Variants in TOX3 observed in about 807,000 individuals in gnomAD.
TOX3 encodes CAG trinucleotide repeat-containing gene F9 protein.
Under a neutral mutation model 64.3 loss-of-function variants are expected in TOX3, and 22 were observed. The ratio of observed to expected loss-of-function variants is 0.34; its 90% CI spans 0.24 to 0.49. The LOEUF is 0.49. Ranked by LOEUF, TOX3 falls within the 20% of genes least tolerant of loss-of-function variation. The probability of loss-of-function intolerance (pLI) is 0.99; values close to 1 mark genes in which losing one functional copy is unlikely to be tolerated. For missense variants in TOX3, 661 were observed against 714.4 expected, an observed-to-expected ratio of 0.93 and a Z score of 0.85; for synonymous variants, 291 against 273.6, an observed-to-expected ratio of 1.06 and a Z score of -0.63.
At chr16:52,504,325 G>A (rs1170124442) in intron 1 of TOX3, among the ~76,000 whole-genome samples, 2 of 152,218 alleles carry the variant, frequency 1.3e-5, no homozygotes, top group South Asian at 2.1e-4. Flanking sequence ...AAATTAGCCA[G>A]GCGTGGTGGT....
chr16:52,511,848 T>A (rs539428054), intron 1 of TOX3, among the ~76,000 whole-genome samples: 1 of 152,116 alleles, frequency 6.6e-6, no homozygotes, highest in East Asian at 1.9e-4. Flanking sequence ...AGAAAAAATA[T>A]TTAATGTAAA....
In TOX3 at chr16:52,440,824, G is replaced by A. The variant is rs181744754; in HGVS notation, c.988-856C>T. Among the ~76,000 whole-genome samples, 733 of 136,626 alleles carry A rather than the reference G, an allele frequency of 5.4e-3. 2 individuals are homozygous for A. Among genetic ancestry groups the A allele is most frequent in the Non-Finnish European group, 7.8e-3 (514 of 65,682 alleles). 89.6% of individuals were successfully genotyped at this position (136,626 alleles called of 152,430 possible). A position where few individuals can be genotyped will look rare whatever the true frequency, so the allele number is the denominator to read the frequency against. On this transcript the variant is annotated intron_variant, in intron 6 of 6. Transcript: ENST00000219746. ...CACCCAGGCTGGAGTGCAGCGGCGC[G>A]ATCTCAGCTCACTGCAACCTCTGCC...
chr16:52,493,893 T>C (rs1961768430), intron 1 of TOX3, among the ~76,000 whole-genome samples: 1 of 152,214 alleles, frequency 6.6e-6, no homozygotes, highest in South Asian at 2.1e-4. Context: ...TTCAGATGCT[T>C]TTCCACTGTT....
chr16:52,464,563 A>C (rs1170404106), intron 2 of TOX3, among the ~76,000 whole-genome samples: 3 of 152,328 alleles, frequency 2.0e-5, no homozygotes, highest in South Asian at 4.1e-4. Flanking sequence ...AATGCTGATG[A>C]TTTTGTGGCA....
chr16:52,493,660 C>A (rs1235543997), intron 1 of TOX3, among the ~76,000 whole-genome samples: 1 of 152,124 alleles, frequency 6.6e-6, no homozygotes, highest in Non-Finnish European at 1.5e-5. Flanking sequence ...TATCCTACTC[C>A]ATCACAGAAT....
intron 3 of TOX3, 121 bp downstream of exon 3, chr16:52,463,813 A>G: frequency 8.2e-7 from 1 of 1,218,290 alleles, no homozygotes; most frequent in Non-Finnish European, 1.1e-6. Flanking sequence ...GCATGTAAAT[A>G]GCACTAGAAT....
chr16:52,531,499 A>G (rs1166547242), intron 1 of TOX3, among the ~76,000 whole-genome samples: 1 of 152,240 alleles, frequency 6.6e-6, no homozygotes, highest in Non-Finnish European at 1.5e-5. Context: ...TACTATTCAT[A>G]TTAGATTAAC....
intron 1 of TOX3, among the ~76,000 whole-genome samples, chr16:52,493,526 T>G (rs1442846474): frequency 6.6e-6 from 1 of 152,216 alleles, no homozygotes; most frequent in Non-Finnish European, 1.5e-5. Context: ...TGAAGAGAAT[T>G]ACTTACTGGC....
chr16:52,532,947 G>A (rs975960970), intron 1 of TOX3, among the ~76,000 whole-genome samples: 2 of 152,190 alleles, frequency 1.3e-5, no homozygotes, highest in African/African-American at 2.4e-5. Flanking sequence ...AGAAGGCACT[G>A]GTATTTTTGC....
intron 1 of TOX3, among the ~76,000 whole-genome samples, chr16:52,533,316 T>C (rs1962888431): frequency 6.6e-6 from 1 of 152,204 alleles, no homozygotes; most frequent in African/African-American, 2.4e-5. Context: ...CATCCCCATG[T>C]GCCATTCAAG....
intron 1 of TOX3, among the ~76,000 whole-genome samples, chr16:52,505,243 C>T (rs1244818127): frequency 6.6e-6 from 1 of 152,214 alleles, no homozygotes; most frequent in Admixed American, 6.5e-5. Context: ...TTTCACTACT[C>T]TCTTGTTAGT....
At chr16:52,500,968 A>T (rs1051280155) in intron 1 of TOX3, among the ~76,000 whole-genome samples, 1 of 152,210 alleles carries the variant, frequency 6.6e-6, no homozygotes, top group Admixed American at 6.5e-5. Context: ...CTAAATAAGT[A>T]GTCTCCAATT....
intron 1 of TOX3, among the ~76,000 whole-genome samples, chr16:52,502,958 C>A (rs1301905548): frequency 1.3e-5 from 2 of 152,114 alleles, no homozygotes; most frequent in East Asian, 1.9e-4. Flanking sequence ...AACTATATCA[C>A]CCCTGTTGCA....
chr16:52,465,663 C>A (rs1960843995), intron 2 of TOX3, among the ~76,000 whole-genome samples: 1 of 151,492 alleles, frequency 6.6e-6, no homozygotes, highest in African/African-American at 2.4e-5. Flanking sequence ...CATCATTCTT[C>A]AAGCTATCAA....
At chr16:52,521,306 C>A (rs912774543) in intron 1 of TOX3, among the ~76,000 whole-genome samples, 3 of 152,194 alleles carry the variant, frequency 2.0e-5, no homozygotes, top group Non-Finnish European at 4.4e-5. Context: ...CTACAGCCTA[C>A]CAATGGTAGA....
chr16:52,466,443 A>G (rs556171403), intron 2 of TOX3, among the ~76,000 whole-genome samples: 1 of 152,190 alleles, frequency 6.6e-6, no homozygotes, highest in Non-Finnish European at 1.5e-5. Context: ...GAATTAGTTT[A>G]CACTCATTAA....
chr16:52,444,142 C>T (rs887625017), intron 6 of TOX3, 134 bp downstream of exon 6: 20 of 589,436 alleles, frequency 3.4e-5, no homozygotes, highest in Admixed American at 2.3e-4. Flanking sequence ...CTAATGGAAA[C>T]GCCTAAGTTT....
chr16:52,442,302 T>C (rs536750384), intron 6 of TOX3, among the ~76,000 whole-genome samples: 28 of 152,302 alleles, frequency 1.8e-4, no homozygotes, highest in South Asian at 6.2e-4. Context: ...AATGTGCATA[T>C]GATGCAACCC....
At chr16:52,475,872 T>C (rs570862094) in intron 1 of TOX3, among the ~76,000 whole-genome samples, 1 of 152,304 alleles carries the variant, frequency 6.6e-6, no homozygotes, top group African/African-American at 2.4e-5. Flanking sequence ...GCAGAATCTC[T>C]AGGCGGTGGG....
Sources: allele counts gnomAD v4.1 joint callset (sites outside exome capture counted in the v4.1 genomes callset), GRCh38; gene constraint gnomAD v4.1.1; transcripts MANE v1.5; gene names NCBI Gene and HGNC (gene_info 2026-07-23, HGNC 2026-07-21).